The following GALNT13 variants were observed in gnomAD, a reference collection of about 807,000 sequenced individuals.
GALNT13 encodes UDP-GalNAc:polypeptide N-acetylgalactosaminyltransferase 13.
A neutral mutation model predicts 64.2 loss-of-function variants in GALNT13; 28 were observed. The ratio of observed to expected loss-of-function variants is 0.44; its 90% confidence interval spans 0.32 to 0.60. The LOEUF (loss-of-function observed/expected upper bound fraction) is 0.60, where lower values mean the gene tolerates loss of function less well. Among genes scored for constraint, GALNT13 ranks in the 20% least tolerant of loss-of-function variants. The pLI is 0.05. For synonymous variants in GALNT13, 214 were observed against 224.6 expected (o/e 0.95, Z 0.42); for missense variants, 577 against 669.8 (o/e 0.86, Z 1.53).
At chr2:154,131,784 GCTGT>G (rs1682634117) in intron 3 of GALNT13, among the ~76,000 whole-genome samples, 1 of 152,156 alleles carries the variant, frequency 6.6e-6, no homozygotes, top group African/African-American at 2.4e-5. Flanking sequence ...CCCACAATAG[GCTGT>G]CTGTAAGCTG....
chr2:153,393,181 T>C, the GALNT13 span, among the ~76,000 whole-genome samples: 1 of 152,082 alleles, frequency 6.6e-6, no homozygotes, highest in Non-Finnish European at 1.5e-5. Flanking sequence ...ATACATAGTA[T>C]GCCAAAAACC....
At chr2:153,432,924 A>G in the GALNT13 span, among the ~76,000 whole-genome samples, 1 of 152,108 alleles carries the variant, frequency 6.6e-6, no homozygotes, top group Admixed American at 6.6e-5. Flanking sequence ...TTAATGACCT[A>G]CCTAATTTTT....
intron 3 of GALNT13, among the ~76,000 whole-genome samples, chr2:153,995,937 C>T (rs1288449844): frequency 2.6e-5 from 4 of 152,104 alleles, no homozygotes; most frequent in Admixed American, 6.5e-5. Context: ...TTTGCCTTTC[C>T]GTACCTGGCT....
intron 4 of GALNT13, among the ~76,000 whole-genome samples, chr2:154,215,122 C>T (rs1687974708): frequency 6.6e-6 from 1 of 152,158 alleles, no homozygotes; most frequent in Non-Finnish European, 1.5e-5. Context: ...AAGACAGGCA[C>T]TTGACAGCAT....
At chr2:154,170,178 C>T (rs1685273046) in intron 4 of GALNT13, among the ~76,000 whole-genome samples, 1 of 152,116 alleles carries the variant, frequency 6.6e-6, no homozygotes, top group Non-Finnish European at 1.5e-5. Flanking sequence ...CTTTTTCCTG[C>T]CTTCTTGTTC....
chr2:153,531,429 A>G, the GALNT13 span, among the ~76,000 whole-genome samples: 2 of 152,148 alleles, frequency 1.3e-5, no homozygotes, highest in Non-Finnish European at 2.9e-5. Context: ...GGATGGTGCT[A>G]AACCTTTAGA....
the GALNT13 span, among the ~76,000 whole-genome samples, chr2:153,306,762 TTTTC>T: frequency 1.3e-5 from 2 of 152,200 alleles, no homozygotes; most frequent in African/African-American, 4.8e-5. Flanking sequence ...CCTTTTTGTT[TTTTC>T]TTTCTAAGAT....
the GALNT13 span, among the ~76,000 whole-genome samples, chr2:153,721,822 C>T: frequency 6.6e-6 from 1 of 151,578 alleles, no homozygotes; most frequent in Non-Finnish European, 1.5e-5. Flanking sequence ...CCTGAGTGAC[C>T]TACAAAGAGA....
intron 3 of GALNT13, among the ~76,000 whole-genome samples, chr2:154,068,533 TA>T (rs70981701): frequency 0.19 from 28,712 of 151,536 alleles, 3,400 homozygotes; most frequent in Non-Finnish European, 0.26. Context: ...TATTCATCCA[TA>T]AAAAAAAGAG....
At chr2:154,018,473 G>T (rs956332449) in intron 3 of GALNT13, among the ~76,000 whole-genome samples, 2 of 152,068 alleles carry the variant, frequency 1.3e-5, no homozygotes, top group African/African-American at 2.4e-5. Context: ...GTAAACTCAA[G>T]ATGAAAGAGT....
At chr2:154,326,819 G>A (rs1341706421) in intron 9 of GALNT13, among the ~76,000 whole-genome samples, 2 of 152,110 alleles carry the variant, frequency 1.3e-5, no homozygotes, top group Non-Finnish European at 2.9e-5. Context: ...TTTTTGAGAA[G>A]CATTGTCTAA....
At chr2:153,978,788 G>A (rs541664859) in intron 3 of GALNT13, among the ~76,000 whole-genome samples, 2 of 152,068 alleles carry the variant, frequency 1.3e-5, no homozygotes, top group Non-Finnish European at 2.9e-5. Flanking sequence ...CTATTAAATT[G>A]AGCTGGGCAT....
chr2:153,725,406 T>G, the GALNT13 span, among the ~76,000 whole-genome samples: 1 of 150,934 alleles, frequency 6.6e-6, no homozygotes, highest in South Asian at 2.1e-4. Flanking sequence ...TGTATACATA[T>G]GTAACTAACC....
chr2:154,120,567 G>T (rs9678664), intron 3 of GALNT13, among the ~76,000 whole-genome samples: 27,451 of 152,082 alleles, frequency 0.18, 4,563 homozygotes, highest in East Asian at 0.74. Flanking sequence ...GGAGGTAGAA[G>T]TCTCCCTGGC....
chr2:153,875,036 A>G (rs1440787794), intron 1 of GALNT13, among the ~76,000 whole-genome samples: 1 of 152,070 alleles, frequency 6.6e-6, no homozygotes, highest in Non-Finnish European at 1.5e-5. Flanking sequence ...ATCAGCTTAA[A>G]ATACTTGGGG....
At chr2:153,126,929 T>C in the GALNT13 span, among the ~76,000 whole-genome samples, 1 of 151,500 alleles carries the variant, frequency 6.6e-6, no homozygotes, top group Non-Finnish European at 1.5e-5. Flanking sequence ...GGCCCCATAA[T>C]TTTTCGTTGG....
At chr2:153,440,172 C>T in the GALNT13 span, among the ~76,000 whole-genome samples, 1 of 151,866 alleles carries the variant, frequency 6.6e-6, no homozygotes, top group Non-Finnish European at 1.5e-5. Context: ...CATTGTTCAG[C>T]TCCCACTTAT....
At chr2:153,568,098 T>C in the GALNT13 span, among the ~76,000 whole-genome samples, 6 of 152,256 alleles carry the variant, frequency 3.9e-5, no homozygotes, top group African/African-American at 1.4e-4. Flanking sequence ...AATAATAGAT[T>C]GAGCTCTGAA....
the GALNT13 span, among the ~76,000 whole-genome samples, chr2:153,549,656 C>T: frequency 1.3e-5 from 2 of 152,158 alleles, no homozygotes; most frequent in Non-Finnish European, 2.9e-5. Flanking sequence ...CAAGAATGGG[C>T]TTAGCAACAA....
Sources: gnomAD v4.1 joint callset for allele counts (sites outside exome capture counted in the v4.1 genomes callset) on GRCh38, gnomAD v4.1.1 for gene constraint, MANE v1.5 for transcripts, NCBI Gene and HGNC (gene_info 2026-07-23, HGNC 2026-07-21) for gene names.